The following MAEL variants were observed in gnomAD, a reference collection of about 807,000 sequenced individuals.
The protein encoded by MAEL is maelstrom spermatogenic transposon silencer.
In MAEL, 46 loss-of-function variants were observed where a neutral mutation model predicts 62.0. The ratio of observed to expected loss-of-function variants is 0.74; its 90% CI spans 0.59 to 0.95. MAEL has a LOEUF of 0.95. Ranked by LOEUF, MAEL falls within the 40% of genes least tolerant of loss-of-function variation. MAEL has a pLI of 0.00. For missense variants in MAEL, 497 were observed against 526.8 expected, an observed-to-expected ratio of 0.94 and a Z score of 0.55; for synonymous variants, 172 against 175.5, an observed-to-expected ratio of 0.98 and a Z score of 0.16.
chr1:166,996,851 G>A (rs1366074848), intron 5 of MAEL, among the ~76,000 whole-genome samples: 1 of 152,102 alleles, frequency 6.6e-6, no homozygotes, highest in Admixed American at 6.5e-5. Context: ...TTTTAAGACG[G>A]AGTCTTGCTC....
intron 6 of MAEL, 85 bp downstream of exon 6, chr1:167,004,389 T>A (rs757526502): frequency 1.5e-6 from 2 of 1,310,336 alleles, no homozygotes; most frequent in Non-Finnish European, 2.1e-6. Context: ...GCCTGTGTAT[T>A]TTTGTCTGTA....
Position 167,006,601 on chromosome 1 carries a change from C to CTATATATATATATA in MAEL, c.845+1227_845+1240dup, listed in dbSNP as rs200881169. On this transcript the variant is annotated intron_variant, in intron 8 of 11. Transcript: ENST00000367872. ...CTATTGGAAAGTTACTGGTTTTTTA[C>CTATATATATATATA]TATATATATATATATATATATATAT... 5.6e-4 allele frequency among the ~76,000 whole-genome samples: 55 copies of CTATATATATATATA among 98,066 alleles called. 1 individual carries two copies. Among genetic ancestry groups the CTATATATATATATA allele is most frequent in the Non-Finnish European group, 7.0e-4 (34 of 48,524 alleles). 64.3% of individuals were successfully genotyped at this position (98,066 alleles called of 152,430 possible). A position where few individuals can be genotyped will look rare whatever the true frequency, so the allele number is the denominator to read the frequency against.
At chr1:166,975,952 A>G (rs1663565395) in intron 1 of MAEL, among the ~76,000 whole-genome samples, 1 of 151,798 alleles carries the variant, frequency 6.6e-6, no homozygotes, top group Admixed American at 6.6e-5. Context: ...ACAGGACTTA[A>G]CTAGCAAGTC....
At chr1:166,989,191 GT>G, upstream of MAEL, 2 of 964,754 alleles carry the variant, frequency 2.1e-6, no homozygotes, top group South Asian at 1.7e-5. Context: ...GTCTCAGGCT[GT>G]TTGTTCCCCC....
At chr1:166,986,944 A>ATGTG (rs1663935321), upstream of MAEL, among the ~76,000 whole-genome samples, 1 of 57,698 alleles carries the variant, frequency 1.7e-5, no homozygotes, top group Non-Finnish European at 3.4e-5. Context: ...AAGGAAGGGG[A>ATGTG]CGTGTGTGTG....
At chr1:166,998,044 T>C (rs1297409021) in intron 5 of MAEL, among the ~76,000 whole-genome samples, 3 of 152,214 alleles carry the variant, frequency 2.0e-5, no homozygotes, top group African/African-American at 7.2e-5. Context: ...TATTCTGTTC[T>C]GTTCTACTTT....
intron 8 of MAEL, among the ~76,000 whole-genome samples, chr1:167,011,553 G>A (rs902466184): frequency 2.6e-5 from 4 of 152,126 alleles, no homozygotes; most frequent in Non-Finnish European, 5.9e-5. Context: ...GAACTCCACT[G>A]TTGTCTCTGG....
At chr1:167,011,113 C>T (rs929312541) in intron 8 of MAEL, among the ~76,000 whole-genome samples, 3 of 151,940 alleles carry the variant, frequency 2.0e-5, no homozygotes, top group Non-Finnish European at 2.9e-5. Context: ...TGAATATTTA[C>T]GTAAAGAATG....
Position 167,016,040 on chromosome 1 carries a change from A to G in MAEL, c.846-182A>G, listed in dbSNP as rs1665375095. ...GGTTATGTGTAGGTTGCGTAGTATCATGAATTTGTATCAGAGAATGTAGCA... is the reference window on the plus strand; with the variant it reads ...GGTTATGTGTAGGTTGCGTAGTATCGTGAATTTGTATCAGAGAATGTAGCA... On this transcript the variant is annotated intron_variant, in intron 8 of 11. Transcript: ENST00000367872. The G allele has an allele frequency of 4.1e-5, 26 of 629,122 alleles. 1 individual carries two copies. Among genetic ancestry groups the G allele is most frequent in the South Asian group, 3.8e-4 (20 of 52,858 alleles). The allele number at this position is 629,122 out of a possible 1,614,324, so 39.0% of individuals were successfully genotyped here.
intron 1 of MAEL, among the ~76,000 whole-genome samples, chr1:166,981,717 G>A (rs1361451460): frequency 1.3e-5 from 2 of 152,190 alleles, no homozygotes; most frequent in African/African-American, 4.8e-5. Context: ...TAGTACAGAT[G>A]CACAAGCAAT....
chr1:166,994,631 A>T (rs930089863), intron 5 of MAEL, among the ~76,000 whole-genome samples: 1 of 151,142 alleles, frequency 6.6e-6, no homozygotes, highest in African/African-American at 2.4e-5. Flanking sequence ...GTGTCAGTGC[A>T]TAGGGACTAT....
upstream of MAEL, among the ~76,000 whole-genome samples, chr1:166,984,129 A>C (rs897259919): frequency 2.0e-5 from 3 of 152,084 alleles, no homozygotes; most frequent in African/African-American, 7.2e-5. Flanking sequence ...TCCCTATCTT[A>C]GTAAAAGCAC....
Position 167,021,954 on chromosome 1 carries a change from C to A in MAEL, c.*99C>A. The A allele has an allele frequency of 1.4e-6, 1 of 712,378 alleles. No homozygotes were observed. Among genetic ancestry groups the A allele is most frequent in the Non-Finnish European group, 2.2e-6 (1 of 450,882 alleles). 44.1% of individuals were successfully genotyped at this position (712,378 alleles called of 1,614,324 possible). ...ATCACATCAATGACAAATGTCACTA[C>A]TATAAAAACTACTTAATTTGTAAGG... On this transcript the variant is annotated 3_prime_UTR_variant, in exon 12 of 12. Coordinates refer to ENST00000367872, the MANE Select transcript of MAEL (RefSeq NM_032858.3).
Position 167,004,251 on chromosome 1 carries a change from C to G in MAEL, c.595C>G (p.Leu199Val), listed in dbSNP as rs773936704. Reference protein sequence around the residue: ...GHNQATVLQNLYRFIHPNPGN... With the variant: ...GHNQATVLQNVYRFIHPNPGN... ...TAACCAAGCAACTGTGTTACAAAAC[C>G]TTTATAGATTTATTCATCCCAACCC... Residue 199 changes from leucine (L) to valine (V), a missense_variant, in exon 6 of 12, where the codon CTT (leucine) becomes GTT (valine). Leu to Val is a conservative substitution (Grantham distance 32). Transcript: ENST00000367872. The G allele has an allele frequency of 1.9e-6, 3 of 1,608,328 alleles. No individual in the cohort carries two copies. The highest frequency in any genetic ancestry group is 2.2e-5 in the East Asian group (1 of 44,526).
At chr1:167,005,046 G>GTTTTGTT in intron 6 of MAEL, 30 bp from the exon 7 acceptor site, 1 of 1,604,932 alleles carries the variant, frequency 6.2e-7, no homozygotes, top group Non-Finnish European at 8.5e-7. Flanking sequence ...TAGTTTTTTT[G>GTTTTGTT]TTTTGTTTTT....
At chr1:166,996,895 C>T (rs1000741630) in intron 5 of MAEL, among the ~76,000 whole-genome samples, 5 of 152,040 alleles carry the variant, frequency 3.3e-5, no homozygotes, top group African/African-American at 1.2e-4. Flanking sequence ...GGCATGATCT[C>T]AGCTCACTGC....
intron 1 of MAEL, among the ~76,000 whole-genome samples, chr1:166,977,998 T>C (rs1305111532): frequency 6.6e-6 from 1 of 152,174 alleles, no homozygotes; most frequent in African/African-American, 2.4e-5. Flanking sequence ...AGCAAGTTTA[T>C]ACATGTGAAA....
intron 8 of MAEL, among the ~76,000 whole-genome samples, chr1:167,014,587 G>C (rs895633349): frequency 6.6e-6 from 1 of 152,178 alleles, no homozygotes; most frequent in South Asian, 2.1e-4. Context: ...CTTAAGTGTT[G>C]TTAGGGTTTA....
intron 8 of MAEL, among the ~76,000 whole-genome samples, chr1:167,010,986 T>C (rs118006198): frequency 6.6e-6 from 1 of 152,226 alleles, no homozygotes; most frequent in East Asian, 1.9e-4. Context: ...TGCATGATCT[T>C]AAATTTCCCC....
Sources: allele counts gnomAD v4.1 joint callset (sites outside exome capture counted in the v4.1 genomes callset), GRCh38; gene constraint gnomAD v4.1.1; transcripts MANE v1.5; gene names NCBI Gene and HGNC (gene_info 2026-07-23, HGNC 2026-07-21).